GRID2: variants seen among roughly 807,000 people sequenced by gnomAD.
The protein encoded by GRID2 is glutamate ionotropic receptor delta type subunit 2.
GRID2 carries 33 observed loss-of-function variants against 114.8 expected under a neutral mutation model. The observed-to-expected ratio is 0.29, with a 90% CI of 0.22 to 0.38. GRID2 has a LOEUF of 0.38. Among genes scored for constraint, GRID2 ranks in the 10% least tolerant of loss-of-function variants. The pLI is 1.00. For synonymous variants in GRID2, 505 were observed against 449.9 expected (o/e 1.12, Z -1.55); for missense variants, 1,184 against 1,257.7 (o/e 0.94, Z 0.89).
chr4:93,589,622 C>T (rs985224315), intron 13 of GRID2, among the ~76,000 whole-genome samples: 8 of 151,770 alleles, frequency 5.3e-5, no homozygotes, highest in African/African-American at 1.2e-4. Context: ...CCTGAGGAAT[C>T]GCCACACTGA....
At chr4:93,620,955 T>G (rs1193317487) in intron 13 of GRID2, among the ~76,000 whole-genome samples, 1 of 152,170 alleles carries the variant, frequency 6.6e-6, no homozygotes, top group Non-Finnish European at 1.5e-5. Context: ...AAACAAAATC[T>G]GTTCATATGA....
intron 4 of GRID2, among the ~76,000 whole-genome samples, chr4:93,121,928 T>C (rs751787425): frequency 2.6e-5 from 4 of 152,184 alleles, no homozygotes; most frequent in Non-Finnish European, 4.4e-5. Flanking sequence ...TATTTTTCTT[T>C]TATGGAGTGC....
intron 2 of GRID2, among the ~76,000 whole-genome samples, chr4:93,007,306 A>G (rs1436908309): frequency 1.3e-5 from 2 of 152,106 alleles, no homozygotes; most frequent in African/African-American, 2.4e-5. Flanking sequence ...TAATTCTTAA[A>G]TATGTTCTAG....
intron 1 of GRID2, among the ~76,000 whole-genome samples, chr4:92,539,924 C>G (rs939392825): frequency 5.3e-5 from 8 of 152,126 alleles, no homozygotes; most frequent in African/African-American, 9.7e-5. Flanking sequence ...ACCAAAACAG[C>G]ATGGTACTGG....
At chr4:93,644,516 A>G (rs1459954709) in intron 14 of GRID2, among the ~76,000 whole-genome samples, 1 of 151,964 alleles carries the variant, frequency 6.6e-6, no homozygotes, top group African/African-American at 2.4e-5. Flanking sequence ...ATTTTTCTCA[A>G]TTTTCTGTGT....
chr4:92,814,801 A>G (rs1167132954), intron 2 of GRID2, among the ~76,000 whole-genome samples: 1 of 152,124 alleles, frequency 6.6e-6, no homozygotes, highest in African/African-American at 2.4e-5. Context: ...CATCAGACAC[A>G]GTGTCTGGGT....
intron 1 of GRID2, among the ~76,000 whole-genome samples, chr4:92,512,821 A>G (rs1724322538): frequency 6.6e-6 from 1 of 151,812 alleles, no homozygotes; most frequent in Non-Finnish European, 1.5e-5. Flanking sequence ...GACCCTGAGA[A>G]CGTAATTATA....
chr4:93,146,917 G>A (rs540130501), intron 4 of GRID2, among the ~76,000 whole-genome samples: 1 of 152,210 alleles, frequency 6.6e-6, no homozygotes, highest in South Asian at 2.1e-4. Context: ...TGGGAATGCA[G>A]CTAAGTATTT....
intron 2 of GRID2, among the ~76,000 whole-genome samples, chr4:92,797,176 T>G (rs192548202): frequency 6.6e-6 from 1 of 152,116 alleles, no homozygotes; most frequent in African/African-American, 2.4e-5. Context: ...CTAGTGGCAC[T>G]TCATATGGGT....
intron 2 of GRID2, among the ~76,000 whole-genome samples, chr4:92,863,900 C>A (rs1175105480): frequency 6.6e-6 from 1 of 152,090 alleles, no homozygotes; most frequent in Non-Finnish European, 1.5e-5. Context: ...CATCTCTCAG[C>A]TCCACAGGCT....
At chr4:93,551,631 T>C (rs997788397) in intron 13 of GRID2, among the ~76,000 whole-genome samples, 13 of 152,228 alleles carry the variant, frequency 8.5e-5, no homozygotes, top group African/African-American at 3.1e-4. Context: ...GTTGACAGAC[T>C]GATACCTATT....
chr4:92,719,142 A>C (rs771435388), intron 2 of GRID2, among the ~76,000 whole-genome samples: 86 of 151,986 alleles, frequency 5.7e-4, no homozygotes, highest in Non-Finnish European at 2.8e-4. Context: ...GCCCACCACC[A>C]TGCCTAGCTA....
At chr4:92,928,343 A>T in intron 2 of GRID2, among the ~76,000 whole-genome samples, 1 of 151,842 alleles carries the variant, frequency 6.6e-6, no homozygotes, top group Non-Finnish European at 1.5e-5. Context: ...GAAAGATTTA[A>T]GTCATTTCAT....
In GRID2 at chr4:92,877,932, C is replaced by T. The variant is rs183972802; in HGVS notation, c.245-207063C>T. Among the ~76,000 whole-genome samples the T allele has an allele frequency of 3.8e-4, 58 of 152,110 alleles. No individual in the cohort carries two copies. The East Asian group carries it at 0.011, about 28-fold the overall frequency. ...CAGATAAGTTTTATAGAGTTGGAGA[C>T]CAGAAAAGAAAAACCGTCTGGTGTT... is the stretch of plus-strand genomic sequence containing the variant. On this transcript the variant is annotated intron_variant, in intron 2 of 15. Transcript: ENST00000282020.
intron 8 of GRID2, among the ~76,000 whole-genome samples, chr4:93,259,558 G>T (rs533351916): frequency 1.7e-4 from 26 of 151,818 alleles, no homozygotes; most frequent in African/African-American, 5.3e-4. Flanking sequence ...AAAGCCAAGT[G>T]CACAGCTAAT....
chr4:93,370,945 G>A (rs1762831946), intron 8 of GRID2, among the ~76,000 whole-genome samples: 2 of 151,988 alleles, frequency 1.3e-5, no homozygotes, highest in South Asian at 4.2e-4. Flanking sequence ...CATTTAAATG[G>A]CACGATTTAC....
chr4:93,360,549 G>A (rs1228578386), intron 8 of GRID2, among the ~76,000 whole-genome samples: 1 of 151,722 alleles, frequency 6.6e-6, no homozygotes, highest in Admixed American at 6.6e-5. Context: ...TTTATCAGTA[G>A]TTTTAAAAAT....
intron 2 of GRID2, among the ~76,000 whole-genome samples, chr4:92,710,561 G>A (rs1735197271): frequency 6.6e-6 from 1 of 152,154 alleles, no homozygotes; most frequent in Non-Finnish European, 1.5e-5. Context: ...TCCTGGTGAC[G>A]ACTACACTTG....
intron 3 of GRID2, among the ~76,000 whole-genome samples, chr4:93,086,989 A>T (rs1167004487): frequency 1.3e-5 from 2 of 151,768 alleles, no homozygotes; most frequent in Admixed American, 1.3e-4. Context: ...AAGCGGGGAG[A>T]ACAATTTTCA....
Sources: gnomAD v4.1 joint callset for allele counts (sites outside exome capture counted in the v4.1 genomes callset) on GRCh38, gnomAD v4.1.1 for gene constraint, MANE v1.5 for transcripts, NCBI Gene and HGNC (gene_info 2026-07-23, HGNC 2026-07-21) for gene names.